CSMD1: variants seen among roughly 807,000 people sequenced by gnomAD.
CSMD1 encodes CUB and Sushi multiple domains 1, also known as CUB and sushi domain-containing protein 1.
CSMD1 carries 213 observed loss-of-function variants against 417.5 expected under a neutral mutation model. The observed-to-expected ratio is 0.51, with a 90% CI of 0.46 to 0.57. The LOEUF (loss-of-function observed/expected upper bound fraction) is 0.57, where lower values mean the gene tolerates loss of function less well. Ranked by LOEUF, CSMD1 falls within the 20% of genes least tolerant of loss-of-function variation. The pLI, the probability that CSMD1 is intolerant of heterozygous loss-of-function variation, is 0.00. For missense variants in CSMD1, 6,923 were observed against 4,529.7 expected, an observed-to-expected ratio of 1.53 and a Z score of -15.17; for synonymous variants, 2,862 against 1,736.8, an observed-to-expected ratio of 1.65 and a Z score of -16.11.
chr8:4,083,325 T>C (rs1036976048), intron 3 of CSMD1, among the ~76,000 whole-genome samples: 66 of 152,304 alleles, frequency 4.3e-4, no homozygotes, highest in African/African-American at 1.5e-3. Flanking sequence ...TGTGAGATGG[T>C]ATCTCATTGA....
intron 3 of CSMD1, among the ~76,000 whole-genome samples, chr8:4,389,793 A>C (rs1803720359): frequency 6.6e-6 from 1 of 152,164 alleles, no homozygotes; most frequent in Non-Finnish European, 1.5e-5. Context: ...TAAAAATGTA[A>C]AGCCTTACAA....
chr8:3,980,734 C>A (rs1174692666), intron 5 of CSMD1, among the ~76,000 whole-genome samples: 2 of 152,134 alleles, frequency 1.3e-5, no homozygotes, highest in Admixed American at 6.5e-5. Context: ...AAGCCCCCAC[C>A]CTTCTGAATT....
chr8:4,558,182 T>C (rs112252838), intron 2 of CSMD1, among the ~76,000 whole-genome samples: 475 of 152,256 alleles, frequency 3.1e-3, no homozygotes, highest in African/African-American at 9.9e-3. Context: ...CAAAAGCATC[T>C]AAACAAGAGC....
intron 1 of CSMD1, among the ~76,000 whole-genome samples, chr8:4,749,051 T>C (rs965825886): frequency 2.0e-5 from 3 of 148,822 alleles, no homozygotes; most frequent in Non-Finnish European, 4.4e-5. Flanking sequence ...TGTGTGCCTG[T>C]GTGCGTGTGT....
chr8:4,823,393 A>T (rs1344801832), intron 1 of CSMD1, among the ~76,000 whole-genome samples: 2 of 152,248 alleles, frequency 1.3e-5, no homozygotes, highest in East Asian at 3.9e-4. Flanking sequence ...AAATCAAAGT[A>T]GTTCATTAAC....
At chr8:3,332,997 G>A (rs1301004324) in intron 23 of CSMD1, among the ~76,000 whole-genome samples, 1 of 152,196 alleles carries the variant, frequency 6.6e-6, no homozygotes, top group Non-Finnish European at 1.5e-5. Context: ...AGAGGGTCTG[G>A]CCTCCATGAG....
chr8:3,949,361 C>T (rs1018429661), intron 5 of CSMD1, among the ~76,000 whole-genome samples: 1 of 152,182 alleles, frequency 6.6e-6, no homozygotes, highest in South Asian at 2.1e-4. Context: ...ACACCTCAAT[C>T]TCACAGTCCC....
At position 3,439,154 on chromosome 8, in the gene CSMD1, C is replaced by CAAAAAAA. The variant is rs1563390150; in HGVS notation, c.1562-29550_1562-29549insTTTTTTT. On this transcript the variant is annotated intron_variant, in intron 12 of 69. Coordinates refer to ENST00000635120, the MANE Select transcript of CSMD1 (RefSeq NM_033225.6). The stretch of plus-strand genomic sequence containing the variant: ...AAAAAAAAAAAAAAAAAAAAAAAAC[C>CAAAAAAA]AAGAAAAAAAAAAGAAAAAGAAAAA... Among the ~76,000 whole-genome samples the CAAAAAAA allele has an allele frequency of 7.9e-3, 210 of 26,430 alleles. 15 individuals are homozygous for CAAAAAAA. Among genetic ancestry groups the CAAAAAAA allele is most frequent in the African/African-American group, 0.019 (109 of 5,668 alleles). The allele number at this position is 26,430 out of a possible 152,430, so 17.3% of individuals were successfully genotyped here.
chr8:3,564,656 TAAGA>T (rs1484197419), intron 10 of CSMD1, among the ~76,000 whole-genome samples: 1 of 151,510 alleles, frequency 6.6e-6, no homozygotes, highest in Non-Finnish European at 1.5e-5. Context: ...TTCTGAAAGT[TAAGA>T]ACTGAGGTGT....
chr8:3,236,804 A>G (rs1799179777), intron 26 of CSMD1, among the ~76,000 whole-genome samples: 1 of 152,200 alleles, frequency 6.6e-6, no homozygotes, highest in African/African-American at 2.4e-5. Flanking sequence ...CATAAAAAAG[A>G]AAACATTTTC....
At chr8:3,648,074 A>C (rs1285024849) in intron 7 of CSMD1, among the ~76,000 whole-genome samples, 1 of 152,220 alleles carries the variant, frequency 6.6e-6, no homozygotes, top group African/African-American at 2.4e-5. Flanking sequence ...GGACAGATGG[A>C]TGGATGTGTT....
chr8:4,493,851 G>C (rs1801845828), intron 2 of CSMD1, among the ~76,000 whole-genome samples: 1 of 152,178 alleles, frequency 6.6e-6, no homozygotes, highest in Admixed American at 6.5e-5. Context: ...TTTTTATTTA[G>C]TTCCAGCCAT....
At chr8:4,870,015 T>C (rs1044163064) in intron 1 of CSMD1, among the ~76,000 whole-genome samples, 7 of 152,246 alleles carry the variant, frequency 4.6e-5, no homozygotes, top group African/African-American at 1.7e-4. Flanking sequence ...TCCGTTTTTA[T>C]GGACAACCGT....
intron 1 of CSMD1, among the ~76,000 whole-genome samples, chr8:4,829,023 C>T (rs185743075): frequency 7.2e-5 from 11 of 152,224 alleles, no homozygotes; most frequent in Admixed American, 1.3e-4. Context: ...ATTAGAGATA[C>T]ATTATGATAT....
intron 26 of CSMD1, among the ~76,000 whole-genome samples, chr8:3,249,884 G>A (rs961049616): frequency 7.2e-5 from 11 of 152,096 alleles, no homozygotes; most frequent in Admixed American, 1.3e-4. Flanking sequence ...GAAATGGATC[G>A]AAAATGCTAT....
intron 56 of CSMD1, among the ~76,000 whole-genome samples, chr8:2,974,197 C>G (rs545255609): frequency 6.6e-6 from 1 of 152,316 alleles, no homozygotes; most frequent in Admixed American, 6.5e-5. Context: ...GGCAAGCGTC[C>G]TCTCAAATGA....
intron 3 of CSMD1, among the ~76,000 whole-genome samples, chr8:4,274,835 A>C (rs904819393): frequency 1.3e-5 from 2 of 152,122 alleles, no homozygotes; most frequent in Non-Finnish European, 2.9e-5. Context: ...TTTGCTTTGA[A>C]AACTATTGTA....
At chr8:3,740,734 G>A (rs1796758190) in intron 6 of CSMD1, among the ~76,000 whole-genome samples, 1 of 152,176 alleles carries the variant, frequency 6.6e-6, no homozygotes, top group South Asian at 2.1e-4. Context: ...AAAAGACTTG[G>A]TACCTAGTTC....
intron 15 of CSMD1, among the ~76,000 whole-genome samples, chr8:3,402,559 G>C (rs1449512908): frequency 6.6e-6 from 1 of 152,162 alleles, no homozygotes; most frequent in East Asian, 1.9e-4. Context: ...CTGGCATCCA[G>C]AAAATTCTGC....
Sources: allele counts gnomAD v4.1 joint callset (sites outside exome capture counted in the v4.1 genomes callset), GRCh38; gene constraint gnomAD v4.1.1; transcripts MANE v1.5; gene names NCBI Gene and HGNC (gene_info 2026-07-23, HGNC 2026-07-21).